ZBTB38: variants seen among roughly 807,000 people sequenced by gnomAD.
ZBTB38 encodes zinc finger and BTB domain-containing protein 38.
Under a neutral mutation model 76.8 loss-of-function variants are expected in ZBTB38, and 20 were observed. That is an observed-to-expected ratio of 0.26 (90% CI 0.18 to 0.38). The LOEUF is 0.38. ZBTB38 is among the 10% of genes least tolerant of loss of function. The pLI is 1.00. For missense variants in ZBTB38, 1,082 were observed against 1,482.3 expected, an observed-to-expected ratio of 0.73 and a Z score of 4.43; for synonymous variants, 504 against 544.2, an observed-to-expected ratio of 0.93 and a Z score of 1.03.
intron 5 of ZBTB38, among the ~76,000 whole-genome samples, chr3:141,430,216 C>T (rs1225602215): frequency 6.6e-6 from 1 of 152,122 alleles, no homozygotes; most frequent in Non-Finnish European, 1.5e-5. Context: ...CAGGCATGCA[C>T]TACCACACCC....
At position 141,340,160 on chromosome 3, in the gene ZBTB38, T is replaced by C. The variant is rs115911399; in HGVS notation, c.-739+15704T>C. 5.0e-3 allele frequency among the ~76,000 whole-genome samples: 756 copies of C among 152,322 alleles called. 7 individuals are homozygous for C. The highest frequency in any genetic ancestry group is 0.017 in the African/African-American group (710 of 41,562). ...CCAAAACCTCTCTCAAATTTACAAC[T>C]GAGGAAACTGAGGCATGGAGAAGTT... On this transcript the variant is annotated intron_variant, in intron 1 of 7. Coordinates refer to the ZBTB38 transcript ENST00000509842.
At chr3:141,335,307 C>A (rs1942983964) in intron 1 of ZBTB38, among the ~76,000 whole-genome samples, 1 of 152,180 alleles carries the variant, frequency 6.6e-6, no homozygotes, top group Non-Finnish European at 1.5e-5. Flanking sequence ...AAAGTAATGG[C>A]CATACAAGTG....
intron 4 of ZBTB38, among the ~76,000 whole-genome samples, chr3:141,400,932 A>G (rs890797329): frequency 6.6e-6 from 1 of 152,094 alleles, no homozygotes; most frequent in Non-Finnish European, 1.5e-5. Flanking sequence ...ACCACCTCCC[A>G]CCTTCCAGTC....
chr3:141,400,393 T>G (rs1017382734), intron 4 of ZBTB38, among the ~76,000 whole-genome samples: 1 of 152,196 alleles, frequency 6.6e-6, no homozygotes, highest in Non-Finnish European at 1.5e-5. Context: ...CCCATTCACT[T>G]GCTAAGCCTC....
At chr3:141,334,420 C>T (rs1942949249) in intron 1 of ZBTB38, among the ~76,000 whole-genome samples, 2 of 126,422 alleles carry the variant, frequency 1.6e-5, no homozygotes, top group South Asian at 2.5e-4. Context: ...TTCCTTCCTT[C>T]CTTCCTTCCT....
At chr3:141,393,816 T>G (rs554712713) in intron 4 of ZBTB38, among the ~76,000 whole-genome samples, 1 of 152,270 alleles carries the variant, frequency 6.6e-6, no homozygotes, top group South Asian at 2.1e-4. Flanking sequence ...AGACCTTAAA[T>G]GCAGGTTGCA....
chr3:141,443,605 A>C lies in ZBTB38; in HGVS notation c.1217A>C (p.Gln406Pro). ...CACATGCCCATTCCTGGAGGAAACCAACGCTTTTTAGAAAACTATCCTACC... is the reference window on the plus strand; with the variant it reads ...CACATGCCCATTCCTGGAGGAAACCCACGCTTTTTAGAAAACTATCCTACC... ...SSHMPIPGGN[Q>P]RFLENYPTIG... The change falls in exon 6 of 6, where the codon CAA (glutamine) becomes CCA (proline). Residue 406 changes from glutamine (Q) to proline (P), a missense_variant. Coordinates refer to ENST00000321464, the MANE Select transcript of ZBTB38 (RefSeq NM_001376113.1). The surrounding 1 kb of genome is among the most constrained non-coding windows in gnomAD (Gnocchi z 5.6). 6.2e-7 allele frequency: 1 copy of C among 1,614,212 alleles called. No homozygotes were observed. The highest frequency in any genetic ancestry group is 8.5e-7 in the Non-Finnish European group (1 of 1,180,040).
rs1863868 is a variant in ZBTB38 at position 141,368,781 on chromosome 3, T to C, written c.-333T>C. On this transcript the variant is annotated 5_prime_UTR_variant, in exon 1 of 6. Coordinates refer to ENST00000321464, the MANE Select transcript of ZBTB38 (RefSeq NM_001376113.1). Reference sequence around the variant, plus strand: ...GCCCAGGGAGTTGACAGCGTCTGGGTTTCAGAGGAGCCAGCGCCTCCGAGT... The same window carrying C: ...GCCCAGGGAGTTGACAGCGTCTGGGCTTCAGAGGAGCCAGCGCCTCCGAGT... 0.54 allele frequency: 81,174 copies of C among 151,484 alleles called. 24,759 individuals carry two copies. The highest frequency in any genetic ancestry group is 0.85 in the African/African-American group (35,183 of 41,324). The allele number at this position is 151,484 out of a possible 1,614,324, so 9.4% of individuals were successfully genotyped here.
intron 1 of ZBTB38, among the ~76,000 whole-genome samples, chr3:141,335,313 A>G (rs1332992730): frequency 2.0e-5 from 3 of 152,228 alleles, no homozygotes; most frequent in African/African-American, 7.2e-5. Context: ...ATGGCCATAC[A>G]AGTGTTTTTA....
At chr3:141,359,322 C>A (rs1279013483) in intron 1 of ZBTB38, among the ~76,000 whole-genome samples, 2 of 152,196 alleles carry the variant, frequency 1.3e-5, no homozygotes, top group Non-Finnish European at 2.9e-5. Context: ...AAACTTTTTC[C>A]CAGTGCTCTA....
At chr3:141,344,979 C>G (rs1346658361) in intron 1 of ZBTB38, among the ~76,000 whole-genome samples, 2 of 152,146 alleles carry the variant, frequency 1.3e-5, no homozygotes, top group African/African-American at 4.8e-5. Flanking sequence ...GCTGTTAATC[C>G]TAGGGAAGAA....
chr3:141,408,956 C>CAA (rs1362976191), intron 5 of ZBTB38, among the ~76,000 whole-genome samples: 1 of 152,152 alleles, frequency 6.6e-6, no homozygotes, highest in Admixed American at 6.5e-5. Flanking sequence ...TCTCAGCCAT[C>CAA]TTTTAGAACC....
Position 141,347,635 on chromosome 3 carries a change from A to G in ZBTB38, c.-738-20986A>G, listed in dbSNP as rs1445300829. Reference sequence around the variant, plus strand: ...CCTAGGCTCCGGCTGGGCTCAGCCAATGAGAAACACTGGAAGGCAGGAGGA... The same window carrying G: ...CCTAGGCTCCGGCTGGGCTCAGCCAGTGAGAAACACTGGAAGGCAGGAGGA... On this transcript the variant is annotated intron_variant, in intron 1 of 7. Coordinates refer to the ZBTB38 transcript ENST00000509842. Among the ~76,000 whole-genome samples, 3 of 152,324 alleles carry G rather than the reference A, an allele frequency of 2.0e-5. No homozygotes were observed. In the East Asian group the frequency reaches 5.8e-4, roughly 29 times the overall value.
At chr3:141,334,450 TTTC>T (rs1559910914) in intron 1 of ZBTB38, among the ~76,000 whole-genome samples, 4 of 123,452 alleles carry the variant, frequency 3.2e-5, no homozygotes, top group East Asian at 2.2e-4. Context: ...CCTTCTTTCC[TTTC>T]TTCCTTCCTT....
At position 141,446,807 on chromosome 3, in the gene ZBTB38, A is replaced by C. The variant is rs887394624; in HGVS notation, c.*831A>C. On this transcript the variant is annotated 3_prime_UTR_variant, in exon 6 of 6. Transcript: ENST00000321464. Reference sequence around the variant, plus strand: ...ACTCAATTCACAGAAAACATAGGTCATGCCTTATCTATGGGGGAACACCCT... The same window carrying C: ...ACTCAATTCACAGAAAACATAGGTCCTGCCTTATCTATGGGGGAACACCCT... The C allele has an allele frequency of 6.5e-6, 1 of 152,680 alleles. No homozygotes were observed. The highest frequency in any genetic ancestry group is 2.4e-5 in the African/African-American group (1 of 41,468). The allele number at this position is 152,680 out of a possible 1,614,324, so 9.5% of individuals were successfully genotyped here.
chr3:141,416,478 C>T (rs1352207980), intron 5 of ZBTB38, among the ~76,000 whole-genome samples: 2 of 152,180 alleles, frequency 1.3e-5, no homozygotes, highest in African/African-American at 2.4e-5. Flanking sequence ...CTCGCTCTCC[C>T]TTCCTCTCTT....
At chr3:141,435,788 A>G (rs2078648793) in intron 5 of ZBTB38, among the ~76,000 whole-genome samples, 1 of 152,044 alleles carries the variant, frequency 6.6e-6, no homozygotes, top group Non-Finnish European at 1.5e-5. Flanking sequence ...ATAAAAATAT[A>G]TTTTAAAAGC....
chr3:141,346,783 T>TGTG (rs1559915364), intron 1 of ZBTB38, among the ~76,000 whole-genome samples: 2 of 1,642 alleles, frequency 1.2e-3, no homozygotes, highest in South Asian at 0.022. Flanking sequence ...TGTTTTGTTT[T>TGTG]GTGTGTGTGT....
At chr3:141,431,271 C>T (rs1215976584) in intron 5 of ZBTB38, among the ~76,000 whole-genome samples, 2 of 144,194 alleles carry the variant, frequency 1.4e-5, no homozygotes, top group Non-Finnish European at 3.0e-5. Flanking sequence ...TGCAGTGAGT[C>T]GAGATTGTGC....
Sources: allele counts gnomAD v4.1 joint callset (sites outside exome capture counted in the v4.1 genomes callset), GRCh38; gene constraint gnomAD v4.1.1; non-coding constraint Gnocchi (gnomAD v3.1); transcripts MANE v1.5; gene names NCBI Gene and HGNC (gene_info 2026-07-23, HGNC 2026-07-21).